The following COL22A1 variants were observed in gnomAD, a reference collection of about 807,000 sequenced individuals.
The protein encoded by COL22A1 is collagen type XXII alpha 1 chain.
In COL22A1, 221 loss-of-function variants were observed where a neutral mutation model predicts 248.9. The observed-to-expected ratio is 0.89, with a 90% CI of 0.80 to 0.99. The LOEUF is 0.99. Among genes scored for constraint, COL22A1 ranks in the 50% least tolerant of loss-of-function variants. The probability of loss-of-function intolerance (pLI) is 0.00; values close to 1 mark genes in which losing one functional copy is unlikely to be tolerated. For synonymous variants in COL22A1, 891 were observed against 793.4 expected (o/e 1.12, Z -2.07); for missense variants, 2,240 against 2,179.0 (o/e 1.03, Z -0.56).
intron 60 of COL22A1, among the ~76,000 whole-genome samples, chr8:138,600,566 A>G (rs1817914800): frequency 6.6e-6 from 1 of 152,168 alleles, no homozygotes. Flanking sequence ...AAAAGATAAA[A>G]AGCCAAAGCC....
At chr8:138,728,966 C>T (rs10101051) in intron 23 of COL22A1, among the ~76,000 whole-genome samples, 9,142 of 151,970 alleles carry the variant, frequency 0.06, 288 homozygotes, top group African/African-American at 0.091. Flanking sequence ...CTGATGAGCC[C>T]GTGAGCATAA....
At chr8:138,696,213 C>G (rs1050218275) in intron 32 of COL22A1, among the ~76,000 whole-genome samples, 9 of 152,254 alleles carry the variant, frequency 5.9e-5, no homozygotes, top group Non-Finnish European at 2.9e-5. Flanking sequence ...AGTATGCAAC[C>G]CTTCTCAAGG....
At chr8:138,904,681 A>G (rs1232069937) in intron 1 of COL22A1, among the ~76,000 whole-genome samples, 1 of 152,022 alleles carries the variant, frequency 6.6e-6, no homozygotes, top group Non-Finnish European at 1.5e-5. Context: ...ATTGTCTCAG[A>G]TTACAGAGTC....
chr8:138,906,256 G>A (rs1033913771), intron 1 of COL22A1, among the ~76,000 whole-genome samples: 21 of 152,218 alleles, frequency 1.4e-4, no homozygotes, highest in African/African-American at 4.6e-4. Flanking sequence ...TATAGTCCCA[G>A]CTACTCAGGA....
intron 30 of COL22A1, among the ~76,000 whole-genome samples, chr8:138,710,583 C>G (rs922427283): frequency 7.6e-6 from 1 of 132,124 alleles, no homozygotes; most frequent in African/African-American, 2.8e-5. Context: ...TGTAGCAATG[C>G]CCATAATCTA....
intron 12 of COL22A1, among the ~76,000 whole-genome samples, chr8:138,784,622 A>G (rs762085370): frequency 5.3e-5 from 8 of 152,210 alleles, no homozygotes; most frequent in Non-Finnish European, 1.2e-4. Context: ...CAGTCAGAGT[A>G]GAGTAATATT....
chr8:138,818,977 A>T (rs1047521420), intron 7 of COL22A1, among the ~76,000 whole-genome samples: 1 of 152,192 alleles, frequency 6.6e-6, no homozygotes, highest in Non-Finnish European at 1.5e-5. Context: ...GCTGGCTGGC[A>T]GTGGCTGGCA....
chr8:138,722,643 A>G (rs1586570605), intron 25 of COL22A1, among the ~76,000 whole-genome samples: 2 of 152,224 alleles, frequency 1.3e-5, no homozygotes, highest in South Asian at 4.2e-4. Flanking sequence ...TACCATGAGG[A>G]TATGGCAGGA....
chr8:138,860,813 A>G (rs1427382095), intron 3 of COL22A1, among the ~76,000 whole-genome samples: 1 of 152,088 alleles, frequency 6.6e-6, no homozygotes. Context: ...GTCTCCAAAA[A>G]ACAAAAAGAC....
chr8:138,675,772 T>C (rs1825457283), intron 41 of COL22A1, among the ~76,000 whole-genome samples: 1 of 152,222 alleles, frequency 6.6e-6, no homozygotes, highest in Admixed American at 6.5e-5. Flanking sequence ...AAATATGTGT[T>C]CTTTGTGGTA....
At chr8:138,806,030 T>TG (rs1485344726) in intron 10 of COL22A1, among the ~76,000 whole-genome samples, 14 of 5,646 alleles carry the variant, frequency 2.5e-3, no homozygotes, top group Admixed American at 7.9e-3. Context: ...TGGTGTGTGG[T>TG]TGTGTGTGTG....
intron 47 of COL22A1, among the ~76,000 whole-genome samples, chr8:138,643,164 C>T (rs1355755501): frequency 6.6e-6 from 1 of 151,902 alleles, no homozygotes; most frequent in Non-Finnish European, 1.5e-5. Context: ...AGCTGGTGAT[C>T]CCAGAAAGAG....
intron 3 of COL22A1, among the ~76,000 whole-genome samples, chr8:138,844,506 T>TG (rs1425470064): frequency 6.6e-6 from 1 of 152,128 alleles, no homozygotes; most frequent in Non-Finnish European, 1.5e-5. Context: ...TGCCTGCTGC[T>TG]GGGGGGTTCA....
rs568400094 is a variant in COL22A1, at chr8:138,633,873, T to G, written c.3609+1137A>C. The stretch of plus-strand genomic sequence containing the variant: ...AATTCCCTACAATATCCTTCACAAA[T>G]GTGCACATGGCAGAGTTGGGCCAGG... On this transcript the variant is annotated intron_variant, in intron 49 of 64. Transcript: ENST00000303045. 1.4e-3 allele frequency among the ~76,000 whole-genome samples: 207 copies of G among 152,282 alleles called. 1 individual carries two copies. The highest frequency in any genetic ancestry group is 4.8e-3 in the African/African-American group (200 of 41,546).
At chr8:138,660,587 G>A in intron 43 of COL22A1, 107 bp from the exon 44 acceptor site, 2 of 976,674 alleles carry the variant, frequency 2.0e-6, no homozygotes, top group Non-Finnish European at 1.6e-6. Flanking sequence ...TAACTCAGTG[G>A]GGAAAAAAAA....
At chr8:138,615,138 G>A (rs1276851986) in intron 55 of COL22A1, among the ~76,000 whole-genome samples, 1 of 152,206 alleles carries the variant, frequency 6.6e-6, no homozygotes, top group East Asian at 1.9e-4. Context: ...CTGGGCTCCA[G>A]GCAAGCTATT....
intron 12 of COL22A1, among the ~76,000 whole-genome samples, chr8:138,790,439 GA>G (rs1448627630): frequency 2.0e-5 from 3 of 152,156 alleles, no homozygotes; most frequent in African/African-American, 7.2e-5. Context: ...CTGATATGCA[GA>G]AGTGTCTTGT....
chr8:138,762,658 G>C (rs1219472748), intron 16 of COL22A1, among the ~76,000 whole-genome samples, 192 bp from the exon 17 acceptor site: 1 of 152,050 alleles, frequency 6.6e-6, no homozygotes, highest in Non-Finnish European at 1.5e-5. Context: ...CATAGGTCTA[G>C]GGTCAGAACA....
At chr8:138,742,718 T>A (rs1005390108) in intron 22 of COL22A1, among the ~76,000 whole-genome samples, 5 of 110,102 alleles carry the variant, frequency 4.5e-5, no homozygotes, top group Admixed American at 4.3e-4. Flanking sequence ...GATGGTAGAG[T>A]TGATGATGAT....
Sources: allele counts gnomAD v4.1 joint callset (sites outside exome capture counted in the v4.1 genomes callset), GRCh38; gene constraint gnomAD v4.1.1; transcripts MANE v1.5; gene names NCBI Gene and HGNC (gene_info 2026-07-23, HGNC 2026-07-21).